CYP2J2: variants seen among roughly 807,000 people sequenced by gnomAD.
The protein encoded by CYP2J2 is cytochrome P450 2J2.
CYP2J2 carries 41 observed loss-of-function variants against 48.8 expected under a neutral mutation model. That is an observed-to-expected ratio of 0.84 (90% CI 0.66 to 1.09). The LOEUF is 1.09. Among genes scored for constraint, CYP2J2 ranks in the 50% least tolerant of loss-of-function variants. CYP2J2 has a pLI of 0.00. For synonymous variants in CYP2J2, 221 were observed against 227.1 expected, an observed-to-expected ratio of 0.97 and a Z score of 0.24; for missense variants, 644 against 617.3, an observed-to-expected ratio of 1.04 and a Z score of -0.46.
chr1:59,911,585 A>T, intron 4 of CYP2J2, 23 bp downstream of exon 4: 1 of 1,573,070 alleles, frequency 6.4e-7, no homozygotes, highest in Non-Finnish European at 8.6e-7. Flanking sequence ...CTGAACAAAG[A>T]TATGGAGAGA....
the CYP2J2 span, among the ~76,000 whole-genome samples, chr1:59,955,438 T>G: frequency 3.3e-5 from 5 of 151,920 alleles, no homozygotes; most frequent in Non-Finnish European, 7.4e-5. Context: ...TAATGAAGAC[T>G]GGTTCAGGCA....
chr1:59,953,308 T>G, the CYP2J2 span, among the ~76,000 whole-genome samples: 3 of 152,292 alleles, frequency 2.0e-5, no homozygotes, highest in East Asian at 5.8e-4. Context: ...AAATATTTAT[T>G]GGGCACCCCC....
At chr1:59,961,634 A>G in the CYP2J2 span, among the ~76,000 whole-genome samples, 1 of 152,164 alleles carries the variant, frequency 6.6e-6, no homozygotes. Flanking sequence ...ATAATGAAAA[A>G]TGAAAACACA....
At chr1:59,960,670 C>T in the CYP2J2 span, among the ~76,000 whole-genome samples, 1 of 152,094 alleles carries the variant, frequency 6.6e-6, no homozygotes, top group Non-Finnish European at 1.5e-5. Flanking sequence ...TGGTGAAACC[C>T]CGACTCTAGT....
At chr1:59,923,011 C>T (rs1018005937) in intron 1 of CYP2J2, among the ~76,000 whole-genome samples, 3 of 152,228 alleles carry the variant, frequency 2.0e-5, no homozygotes, top group African/African-American at 4.8e-5. Context: ...AGTAAAGAAA[C>T]TCCCTGCAGG....
chr1:59,916,080 G>T lies in CYP2J2; in HGVS notation c.231C>A (p.Asn77Lys), dbSNP rs577388943. 1.2e-6 allele frequency: 2 copies of T among 1,609,750 alleles called. No individual in the cohort carries two copies. The highest frequency in any genetic ancestry group is 1.7e-6 in the Non-Finnish European group (2 of 1,178,636). ...TGTCACCAAGCTCCAAGCTAAAAAG[G>T]TTCCCATATTTCTTCACAAACTGAA... is the stretch of plus-strand genomic sequence containing the variant. ...EVQLFVKKYG[N>K]LFSLELGDIS... The change falls in exon 2 of 9, where the codon AAC becomes AAA. Residue 77 changes from asparagine to lysine, a missense_variant. Physicochemically the swap from Asn to Lys is moderately conservative, Grantham distance 94 (BLOSUM62 0). Coordinates refer to ENST00000371204, the MANE Select transcript of CYP2J2 (RefSeq NM_000775.4).
At chr1:59,957,849 C>T in the CYP2J2 span, among the ~76,000 whole-genome samples, 1 of 152,066 alleles carries the variant, frequency 6.6e-6, no homozygotes, top group Non-Finnish European at 1.5e-5. Flanking sequence ...AAACAGATTA[C>T]TCTAAGAGAC....
the CYP2J2 span, among the ~76,000 whole-genome samples, chr1:59,960,830 A>C: frequency 6.6e-6 from 1 of 152,074 alleles, no homozygotes; most frequent in African/African-American, 2.4e-5. Context: ...GTGGAGCAAG[A>C]CTCCATCATC....
intron 8 of CYP2J2, among the ~76,000 whole-genome samples, chr1:59,896,017 C>A (rs918280379): frequency 6.6e-6 from 1 of 152,162 alleles, no homozygotes; most frequent in African/African-American, 2.4e-5. Flanking sequence ...CAGATTTGAC[C>A]ATTAGATGCC....
chr1:59,918,767 A>G (rs1460577002), intron 1 of CYP2J2, among the ~76,000 whole-genome samples: 2 of 152,184 alleles, frequency 1.3e-5, no homozygotes, highest in African/African-American at 4.8e-5. Flanking sequence ...ATGAAAATAG[A>G]AAAAGAAAAG....
chr1:59,915,512 G>A (rs1460662446), intron 2 of CYP2J2, among the ~76,000 whole-genome samples: 2 of 152,174 alleles, frequency 1.3e-5, no homozygotes, highest in Admixed American at 1.3e-4. Context: ...GAAGGCTCAA[G>A]ATCCTCTGTG....
In CYP2J2 at chr1:59,911,593, A is replaced by G. The variant is rs1644414463; in HGVS notation, c.684+15T>C. 4 of 1,586,258 alleles carry G rather than the reference A, an allele frequency of 2.5e-6. No individual in the cohort carries two copies. The highest frequency in any genetic ancestry group is 2.6e-6 in the Non-Finnish European group (3 of 1,164,490). ...CAATTTACTGAACAAAGATATGGAG[A>G]GACAGCTGCCTTACCTGGCATGTCT... On this transcript the variant is annotated intron_variant, in intron 4 of 8. Coordinates refer to ENST00000371204, the MANE Select transcript of CYP2J2 (RefSeq NM_000775.4).
intron 1 of CYP2J2, among the ~76,000 whole-genome samples, chr1:59,920,279 T>A: frequency 6.7e-6 from 1 of 148,160 alleles, no homozygotes; most frequent in Non-Finnish European, 1.5e-5. Flanking sequence ...TATACAGATG[T>A]AAAGGGGAAA....
At chr1:59,897,859 A>G (rs1644282987) in intron 8 of CYP2J2, among the ~76,000 whole-genome samples, 1 of 152,134 alleles carries the variant, frequency 6.6e-6, no homozygotes, top group Non-Finnish European at 1.5e-5. Flanking sequence ...CCTCTAGAAG[A>G]CTCTTTACCA....
chr1:59,920,944 C>T (rs145404752), intron 1 of CYP2J2, among the ~76,000 whole-genome samples: 37 of 152,232 alleles, frequency 2.4e-4, no homozygotes, highest in African/African-American at 8.9e-4. Context: ...TAAAAATCTT[C>T]TGTCCCTTTA....
the CYP2J2 span, among the ~76,000 whole-genome samples, chr1:59,940,860 T>C: frequency 6.6e-6 from 1 of 152,326 alleles, no homozygotes; most frequent in South Asian, 2.1e-4. Context: ...TGGAAGTTAT[T>C]ATATTAAGTG....
At chr1:59,952,774 G>A in the CYP2J2 span, among the ~76,000 whole-genome samples, 4 of 152,170 alleles carry the variant, frequency 2.6e-5, no homozygotes, top group Non-Finnish European at 1.5e-5. Context: ...GTCCTACTGT[G>A]CACCAGGACA....
intron 8 of CYP2J2, among the ~76,000 whole-genome samples, chr1:59,897,103 T>C (rs1199453109): frequency 6.6e-6 from 1 of 152,228 alleles, no homozygotes; most frequent in Non-Finnish European, 1.5e-5. Flanking sequence ...GTTATATTAT[T>C]TGTGCCTGTT....
At position 59,893,521 on chromosome 1, in the gene CYP2J2, G is replaced by A. The variant is rs1644241559; in HGVS notation, c.*130C>T. 2 of 658,068 alleles carry A rather than the reference G, an allele frequency of 3.0e-6. No homozygotes were observed. Among genetic ancestry groups the A allele is most frequent in the Admixed American group, 3.0e-5 (1 of 33,782 alleles). 40.8% of individuals were successfully genotyped at this position (658,068 alleles called of 1,614,324 possible). The stretch of plus-strand genomic sequence containing the variant: ...CTGGGATTTGGATCTAGTTTTCTCT[G>A]AGTCAAATTCCTCTGATCTTTCTTG... On this transcript the variant is annotated 3_prime_UTR_variant, in exon 9 of 9. Transcript: ENST00000371204.
Sources: gnomAD v4.1 joint callset for allele counts (sites outside exome capture counted in the v4.1 genomes callset) on GRCh38, gnomAD v4.1.1 for gene constraint, MANE v1.5 for transcripts, NCBI Gene and HGNC (gene_info 2026-07-23, HGNC 2026-07-21) for gene names.